Variants in UBE2G1 observed in about 807,000 individuals in gnomAD.
UBE2G1 encodes the protein ubiquitin conjugating enzyme E2 G1, also known as ubiquitin-conjugating enzyme E2 G1.
UBE2G1 carries 5 observed loss-of-function variants against 22.7 expected under a neutral mutation model. That is an observed-to-expected ratio of 0.22 (90% CI 0.12 to 0.46). The LOEUF (loss-of-function observed/expected upper bound fraction) is 0.46, where lower values mean the gene tolerates loss of function less well. Among genes scored for constraint, UBE2G1 ranks in the 20% least tolerant of loss-of-function variants. The pLI, the probability that UBE2G1 is intolerant of heterozygous loss-of-function variation, is 0.99. For synonymous variants in UBE2G1, 74 were observed against 67.5 expected (o/e 1.10, Z -0.47); for missense variants, 88 against 203.9 (o/e 0.43, Z 3.46).
At chr17:4,295,506 T>C (rs1434490640) in intron 3 of UBE2G1, among the ~76,000 whole-genome samples, 2 of 152,230 alleles carry the variant, frequency 1.3e-5, no homozygotes, top group Admixed American at 1.3e-4. Context: ...CATTCAATCA[T>C]TCATTCCTGT....
At chr17:4,307,419 C>T (rs948890942) in intron 1 of UBE2G1, among the ~76,000 whole-genome samples, 7 of 152,148 alleles carry the variant, frequency 4.6e-5, no homozygotes, top group African/African-American at 1.2e-4. Context: ...ATGCAGATAT[C>T]CAGGCCCGTC....
intron 1 of UBE2G1, among the ~76,000 whole-genome samples, chr17:4,365,372 T>A (rs918374915): frequency 6.6e-6 from 1 of 152,020 alleles, no homozygotes; most frequent in African/African-American, 2.4e-5. Flanking sequence ...GCGCACACAG[T>A]CCTAGCAGAG....
intron 5 of UBE2G1, among the ~76,000 whole-genome samples, chr17:4,275,187 G>C (rs1404299589): frequency 6.6e-6 from 1 of 152,054 alleles, no homozygotes; most frequent in African/African-American, 2.4e-5. Flanking sequence ...TTTCAGCAGA[G>C]GAAAAAGAAA....
intron 1 of UBE2G1, among the ~76,000 whole-genome samples, chr17:4,358,315 T>C (rs575864302): frequency 1.3e-5 from 2 of 152,188 alleles, no homozygotes; most frequent in Admixed American, 1.3e-4. Flanking sequence ...CAGGCTGGAG[T>C]GTAGCGGTGG....
chr17:4,361,658 G>T (rs1969968051), intron 1 of UBE2G1, among the ~76,000 whole-genome samples: 1 of 152,184 alleles, frequency 6.6e-6, no homozygotes, highest in Non-Finnish European at 1.5e-5. Flanking sequence ...ACATTTGTCA[G>T]CCAGGCATGA....
At position 4,320,803 on chromosome 17, in the gene UBE2G1, A is replaced by G. The variant is rs571058852; in HGVS notation, c.47-13680T>C. On this transcript the variant is annotated intron_variant, in intron 1 of 5. Transcript: ENST00000396981. ...TACAGAAATGGAATCATCCTTGTAT[A>G]ACTGATGGCCACTTAGCATAGTCTG... Among the ~76,000 whole-genome samples, 15 of 152,282 alleles carry G rather than the reference A, an allele frequency of 9.9e-5. No homozygotes were observed. In the South Asian group the frequency reaches 2.7e-3, roughly 27 times the overall value.
chr17:4,291,415 A>G (rs910409510), intron 3 of UBE2G1, among the ~76,000 whole-genome samples: 1 of 151,786 alleles, frequency 6.6e-6, no homozygotes, highest in African/African-American at 2.4e-5. Flanking sequence ...AAAATTCAGC[A>G]TAAAAATTTC....
intron 4 of UBE2G1, among the ~76,000 whole-genome samples, chr17:4,288,793 G>C (rs554899892): frequency 2.4e-4 from 37 of 152,174 alleles, no homozygotes; most frequent in Non-Finnish European, 4.3e-4. Flanking sequence ...AAATTAGTAA[G>C]TATGTGAGGT....
At chr17:4,347,116 G>A (rs1435394871) in intron 1 of UBE2G1, among the ~76,000 whole-genome samples, 1 of 152,062 alleles carries the variant, frequency 6.6e-6, no homozygotes, top group Non-Finnish European at 1.5e-5. Context: ...TCATGCCACT[G>A]CACTCCAGCC....
At chr17:4,354,762 C>A (rs1018871842) in intron 1 of UBE2G1, among the ~76,000 whole-genome samples, 1 of 152,044 alleles carries the variant, frequency 6.6e-6, no homozygotes, top group Non-Finnish European at 1.5e-5. Flanking sequence ...AAAACCCTGT[C>A]TCTACCAAAA....
chr17:4,286,642 T>C (rs1968967233), intron 4 of UBE2G1, among the ~76,000 whole-genome samples: 1 of 152,222 alleles, frequency 6.6e-6, no homozygotes, highest in Non-Finnish European at 1.5e-5. Context: ...ATGACTTTAC[T>C]CTGGCAGTAC....
intron 1 of UBE2G1, among the ~76,000 whole-genome samples, chr17:4,347,253 CATA>C (rs1365594916): frequency 6.6e-6 from 1 of 152,100 alleles, no homozygotes; most frequent in Non-Finnish European, 1.5e-5. Context: ...TTTGCATACA[CATA>C]ATGAGACATC....
At chr17:4,356,669 A>G (rs1030879257) in intron 1 of UBE2G1, among the ~76,000 whole-genome samples, 20 of 152,210 alleles carry the variant, frequency 1.3e-4, no homozygotes, top group Non-Finnish European at 2.2e-4. Context: ...GGAGTTCAAG[A>G]CCAGCCTGAG....
chr17:4,283,247 G>A (rs963285046), intron 4 of UBE2G1, among the ~76,000 whole-genome samples: 1 of 152,214 alleles, frequency 6.6e-6, no homozygotes, highest in Non-Finnish European at 1.5e-5. Context: ...GGGCCGTGGC[G>A]CACGTCCATA....
chr17:4,320,315 C>T (rs2143758522), intron 1 of UBE2G1, among the ~76,000 whole-genome samples: 1 of 152,258 alleles, frequency 6.6e-6, no homozygotes, highest in Non-Finnish European at 1.5e-5. Context: ...AGTCTCAAAA[C>T]TATTTAGAGG....
At chr17:4,312,684 A>G (rs1417972473) in intron 1 of UBE2G1, among the ~76,000 whole-genome samples, 2 of 139,998 alleles carry the variant, frequency 1.4e-5, no homozygotes, top group Non-Finnish European at 3.2e-5. Flanking sequence ...CGATAGAGCA[A>G]GACTCCATCT....
chr17:4,352,933 G>A (rs1313614479), intron 1 of UBE2G1, among the ~76,000 whole-genome samples: 1 of 151,996 alleles, frequency 6.6e-6, no homozygotes, highest in African/African-American at 2.4e-5. Context: ...AATCAGCCGG[G>A]TGTGGCCGGG....
chr17:4,357,984 G>A (rs761245206), intron 1 of UBE2G1, among the ~76,000 whole-genome samples: 2 of 150,808 alleles, frequency 1.3e-5, no homozygotes, highest in African/African-American at 4.9e-5. Flanking sequence ...AAGAGAGAGA[G>A]ACCCTGTCTC....
intron 1 of UBE2G1, among the ~76,000 whole-genome samples, chr17:4,354,048 G>C (rs1054569364): frequency 6.6e-5 from 10 of 152,042 alleles, no homozygotes; most frequent in Admixed American, 1.3e-4. Flanking sequence ...CACTAGTTCA[G>C]TTTATCATAT....
Sources: allele counts gnomAD v4.1 joint callset (sites outside exome capture counted in the v4.1 genomes callset), GRCh38; gene constraint gnomAD v4.1.1; transcripts MANE v1.5; gene names NCBI Gene and HGNC (gene_info 2026-07-23, HGNC 2026-07-21).